CORO1C: variants seen among roughly 807,000 people sequenced by gnomAD.
The protein encoded by CORO1C is coronin-1C.
In CORO1C, 14 loss-of-function variants were observed where a neutral mutation model predicts 51.2. That is an observed-to-expected ratio of 0.27 (90% confidence interval 0.18 to 0.43). CORO1C has a LOEUF of 0.43. CORO1C is among the 20% of genes least tolerant of loss of function. The probability of loss-of-function intolerance (pLI) is 1.00; values close to 1 mark genes in which losing one functional copy is unlikely to be tolerated. For missense variants in CORO1C, 417 were observed against 607.8 expected, an observed-to-expected ratio of 0.69 and a Z score of 3.30; for synonymous variants, 181 against 210.5, an observed-to-expected ratio of 0.86 and a Z score of 1.21.
rs772919938 is a variant in CORO1C, at chr12:108,648,668, G to A, written c.1242C>T (p.Pro414=). The change falls in exon 10 of 11, where the codon CCC becomes CCT. Residue 414 remains proline, a synonymous_variant. Transcript: ENST00000261401. The part of the protein sequence containing the change: ...VVKKNILDSK[P]TANKKCDLIS... ...TCAGGTCGCACTTCTTGTTTGCAGT[G>A]GGCTTGCTATCCAGAATGTTCTTCT... 13 of 1,614,058 alleles carry A rather than the reference G, an allele frequency of 8.1e-6. No homozygotes were observed. The East Asian group carries it at 2.0e-4, about 25-fold the overall frequency.
intron 2 of CORO1C, among the ~76,000 whole-genome samples, chr12:108,681,564 G>T (rs2034124537): frequency 6.6e-6 from 1 of 152,158 alleles, no homozygotes. Flanking sequence ...TCTTGGAAAT[G>T]CTAAGAAAAA....
chr12:108,700,384 G>C (rs1183279534), intron 2 of CORO1C, among the ~76,000 whole-genome samples: 1 of 151,912 alleles, frequency 6.6e-6, no homozygotes, highest in Non-Finnish European at 1.5e-5. Context: ...TATAGATTTT[G>C]ATCTGCAGTA....
At chr12:108,711,192 A>G (rs1275252809) in intron 1 of CORO1C, among the ~76,000 whole-genome samples, 2 of 151,990 alleles carry the variant, frequency 1.3e-5, no homozygotes, top group South Asian at 2.1e-4. Context: ...GCGAGACCCC[A>G]TATCTACAAA....
At chr12:108,726,065 C>T (rs562521476) in intron 1 of CORO1C, among the ~76,000 whole-genome samples, 2 of 152,098 alleles carry the variant, frequency 1.3e-5, no homozygotes, top group Non-Finnish European at 2.9e-5. Flanking sequence ...AAACCCCTGA[C>T]CTCGTGATCT....
rs1040678521 is a variant in CORO1C at position 108,645,794 on chromosome 12, A to T, written c.*1609T>A. The T allele has an allele frequency of 6.6e-6, 1 of 152,314 alleles. No individual in the cohort carries two copies. Among genetic ancestry groups the T allele is most frequent in the South Asian group, 2.1e-4 (1 of 4,834 alleles). The allele number at this position is 152,314 out of a possible 1,614,324, so 9.4% of individuals were successfully genotyped here. A position where few individuals can be genotyped will look rare whatever the true frequency, so the allele number is the denominator to read the frequency against. On this transcript the variant is annotated 3_prime_UTR_variant, in exon 11 of 11. Transcript: ENST00000261401. The stretch of plus-strand genomic sequence containing the variant: ...TGCCCACACCAGCACGAGCATGTGC[A>T]AGAATTCCCTTCGTGGTCCCAATGG...
At chr12:108,689,590 C>G (rs902225907) in intron 2 of CORO1C, among the ~76,000 whole-genome samples, 2 of 152,196 alleles carry the variant, frequency 1.3e-5, no homozygotes. Context: ...ATCTGCAGTC[C>G]TCTATGCCTA....
chr12:108,730,512 C>A (rs2035694963), intron 1 of CORO1C: 1 of 152,382 alleles, frequency 6.6e-6, no homozygotes, highest in Admixed American at 6.5e-5. Context: ...GCATTCCCAC[C>A]CTCCACGTCT....
chr12:108,651,346 G>T (rs2032643903), intron 8 of CORO1C, among the ~76,000 whole-genome samples: 1 of 152,198 alleles, frequency 6.6e-6, no homozygotes, highest in South Asian at 2.1e-4. Flanking sequence ...CTGAGTCTCA[G>T]AGGATATATT....
chr12:108,698,849 G>A (rs1170258740), intron 2 of CORO1C, among the ~76,000 whole-genome samples: 1 of 152,208 alleles, frequency 6.6e-6, no homozygotes, highest in Non-Finnish European at 1.5e-5. Context: ...TCCCAGATTT[G>A]TGATCTTCCC....
chr12:108,652,276 C>A lies in CORO1C; in HGVS notation c.997G>T (p.Ala333Ser), dbSNP rs1337553123. The change falls in exon 8 of 11, where the codon GCC becomes TCC. Residue 333 changes from alanine to serine, a missense_variant. Transcript: ENST00000261401. The stretch of plus-strand genomic sequence containing the variant: ...TTGACAATCTCGATTCTTTACCTGG[C>A]AATCTCACATTTGTTAACATCAAGT... ...RGLDVNKCEI[A>S]RFFKLHERKC... is the part of the protein sequence containing the mutation. 1 of 1,612,712 alleles carries A rather than the reference C, an allele frequency of 6.2e-7. No individual in the cohort carries two copies. Among genetic ancestry groups the A allele is most frequent in the Admixed American group, 1.7e-5 (1 of 59,748 alleles).
At chr12:108,671,759 T>C (rs189232057) in intron 3 of CORO1C, among the ~76,000 whole-genome samples, 2 of 152,236 alleles carry the variant, frequency 1.3e-5, no homozygotes. Context: ...TCAATAATTT[T>C]ATTTATTTAT....
intron 2 of CORO1C, among the ~76,000 whole-genome samples, chr12:108,685,301 A>G (rs1039907975): frequency 1.3e-5 from 2 of 152,156 alleles, no homozygotes; most frequent in Non-Finnish European, 2.9e-5. Context: ...AAAGTACTAG[A>G]GCTCAACATT....
intron 3 of CORO1C, among the ~76,000 whole-genome samples, chr12:108,664,028 C>T (rs1415525565): frequency 1.3e-5 from 2 of 152,234 alleles, no homozygotes; most frequent in South Asian, 4.2e-4. Context: ...AAACAAACAA[C>T]CTCTAAGAAA....
chr12:108,701,516 G>T, intron 1 of CORO1C, 193 bp from the exon 2 acceptor site: 1 of 718,910 alleles, frequency 1.4e-6, no homozygotes, highest in Non-Finnish European at 2.2e-6. Flanking sequence ...ATGCGTCAGG[G>T]AAAGAATTAC....
intron 2 of CORO1C, among the ~76,000 whole-genome samples, chr12:108,697,833 G>A (rs925988054): frequency 5.3e-5 from 8 of 152,262 alleles, no homozygotes; most frequent in East Asian, 1.9e-4. Flanking sequence ...CCAACTAATC[G>A]TATATGAAGA....
At chr12:108,694,788 G>A (rs1279865160) in intron 2 of CORO1C, among the ~76,000 whole-genome samples, 11 of 8,066 alleles carry the variant, frequency 1.4e-3, no homozygotes, top group Admixed American at 4.7e-3. Context: ...ATATTTCTAC[G>A]TAGATTTTTT....
intron 2 of CORO1C, among the ~76,000 whole-genome samples, chr12:108,695,944 G>A (rs2034665008): frequency 6.7e-6 from 1 of 148,782 alleles, no homozygotes; most frequent in South Asian, 2.1e-4. Context: ...ACTGCAAAAT[G>A]AGTTGAAAAA....
chr12:108,666,232 C>G (rs1240690580), intron 3 of CORO1C, among the ~76,000 whole-genome samples: 8 of 152,130 alleles, frequency 5.3e-5, no homozygotes, highest in Non-Finnish European at 1.2e-4. Context: ...TTAAACAATG[C>G]CATAAAGAAG....
intron 1 of CORO1C, among the ~76,000 whole-genome samples, chr12:108,721,541 C>T (rs937210835): frequency 5.3e-5 from 8 of 152,284 alleles, no homozygotes; most frequent in South Asian, 4.1e-4. Context: ...TAAATCAAAA[C>T]ATTAAGCTTG....
Sources: allele counts gnomAD v4.1 joint callset (sites outside exome capture counted in the v4.1 genomes callset), GRCh38; gene constraint gnomAD v4.1.1; transcripts MANE v1.5; gene names NCBI Gene and HGNC (gene_info 2026-07-23, HGNC 2026-07-21).